MAP7: variants seen among roughly 807,000 people sequenced by gnomAD.
MAP7 encodes ensconsin.
Under a neutral mutation model 94.8 loss-of-function variants are expected in MAP7, and 52 were observed. The ratio of observed to expected loss-of-function variants is 0.55; its 90% CI spans 0.44 to 0.69. The LOEUF is 0.69. Among genes scored for constraint, MAP7 ranks in the 30% least tolerant of loss-of-function variants. The pLI is 0.00. For missense variants in MAP7, 940 were observed against 964.6 expected (o/e 0.97, Z 0.34); for synonymous variants, 350 against 357.0 (o/e 0.98, Z 0.22).
chr6:136,458,504 CT>C (rs1804103705), intron 1 of MAP7, among the ~76,000 whole-genome samples: 1 of 152,040 alleles, frequency 6.6e-6, no homozygotes, highest in South Asian at 2.1e-4. Context: ...AGGCATCACA[CT>C]TTTCTATTTC....
At chr6:136,461,023 A>G (rs899472446) in intron 1 of MAP7, among the ~76,000 whole-genome samples, 1 of 152,198 alleles carries the variant, frequency 6.6e-6, no homozygotes, top group African/African-American at 2.4e-5. Context: ...CCCTCTATAC[A>G]GCTGACACAA....
chr6:136,356,814 C>G lies in MAP7; in HGVS notation c.1913-20G>C, dbSNP rs752952554. 2.9e-5 allele frequency: 46 copies of G among 1,581,202 alleles called. No homozygotes were observed. The highest frequency in any genetic ancestry group is 1.7e-4 in the Middle Eastern group (1 of 6,022). On this transcript the variant is annotated intron_variant, in intron 15 of 17. Transcript: ENST00000354570. ...ACACCTCTGGGCATAGTAAAGGAGA[C>G]AGAACACAGGGTTACTAATATTCTT... is the stretch of plus-strand genomic sequence containing the variant.
intron 1 of MAP7, among the ~76,000 whole-genome samples, chr6:136,492,287 G>A (rs555387082): frequency 6.6e-6 from 1 of 152,280 alleles, no homozygotes; most frequent in African/African-American, 2.4e-5. Flanking sequence ...TTTGGATTCA[G>A]TAATATGAAC....
chr6:136,455,092 C>G (rs369460919), intron 1 of MAP7, among the ~76,000 whole-genome samples: 7 of 151,704 alleles, frequency 4.6e-5, no homozygotes, highest in Admixed American at 2.0e-4. Context: ...CTTTCTGGAT[C>G]CTTGGTCAGA....
chr6:136,526,250 G>A (rs1355980171), intron 1 of MAP7: 28 of 1,150,512 alleles, frequency 2.4e-5, no homozygotes, highest in Admixed American at 9.0e-5. Flanking sequence ...TGATTGCTCC[G>A]GCTCATGCAT....
At chr6:136,393,361 G>A (rs1781321238) in intron 3 of MAP7, among the ~76,000 whole-genome samples, 1 of 152,140 alleles carries the variant, frequency 6.6e-6, no homozygotes, top group Non-Finnish European at 1.5e-5. Context: ...CAGAATTACT[G>A]TTGGAACTGT....
At chr6:136,410,398 G>T (rs1448657985) in intron 3 of MAP7, among the ~76,000 whole-genome samples, 1 of 152,112 alleles carries the variant, frequency 6.6e-6, no homozygotes, top group African/African-American at 2.4e-5. Context: ...TCTCAGTTCT[G>T]GTTTGCTTGT....
chr6:136,456,828 A>AGAAGAAGAAGAAG (rs1803312295), intron 1 of MAP7, among the ~76,000 whole-genome samples: 1 of 123,756 alleles, frequency 8.1e-6, no homozygotes, highest in East Asian at 2.3e-4. Flanking sequence ...AGAAGGAAGA[A>AGAAGAAGAAGAAG]GAAGAAGAAG....
intron 3 of MAP7, among the ~76,000 whole-genome samples, chr6:136,401,925 A>G (rs1313712261): frequency 6.6e-6 from 1 of 152,122 alleles, no homozygotes; most frequent in Non-Finnish European, 1.5e-5. Flanking sequence ...CTAGTCTTTA[A>G]CCACTTCAAA....
intron 3 of MAP7, among the ~76,000 whole-genome samples, chr6:136,394,719 C>T (rs1781812120): frequency 6.6e-6 from 1 of 150,660 alleles, no homozygotes; most frequent in South Asian, 2.1e-4. Context: ...CTTTAACCTC[C>T]CCCCCACCTT....
At chr6:136,480,197 A>C (rs1038688513) in intron 1 of MAP7, among the ~76,000 whole-genome samples, 3 of 152,220 alleles carry the variant, frequency 2.0e-5, no homozygotes, top group African/African-American at 4.8e-5. Context: ...CCATACATCT[A>C]CAGTAAATGC....
chr6:136,501,923 G>C (rs1418221706), intron 1 of MAP7, among the ~76,000 whole-genome samples: 2 of 152,182 alleles, frequency 1.3e-5, no homozygotes, highest in Non-Finnish European at 2.9e-5. Flanking sequence ...GATTCCTCCT[G>C]TGAATTCAGA....
intron 1 of MAP7, among the ~76,000 whole-genome samples, chr6:136,543,582 G>A (rs555126794): frequency 1.3e-4 from 20 of 152,260 alleles, no homozygotes; most frequent in African/African-American, 4.6e-4. Flanking sequence ...CCCAGGAGGC[G>A]GAGGAGGTTC....
intron 6 of MAP7, among the ~76,000 whole-genome samples, chr6:136,381,982 G>A (rs73559066): frequency 0.012 from 1,824 of 151,742 alleles, 25 homozygotes; most frequent in East Asian, 0.039. Context: ...CCATGAAGGT[G>A]AGAACTGAGG....
At chr6:136,494,715 C>A (rs753817385) in intron 1 of MAP7, among the ~76,000 whole-genome samples, 1 of 152,148 alleles carries the variant, frequency 6.6e-6, no homozygotes, top group Non-Finnish European at 1.5e-5. Flanking sequence ...ATTGTATTGA[C>A]AGGATATAGA....
intron 15 of MAP7, among the ~76,000 whole-genome samples, chr6:136,358,798 C>T (rs1791701159): frequency 6.6e-6 from 1 of 152,120 alleles, no homozygotes; most frequent in South Asian, 2.1e-4. Flanking sequence ...TATCTACTAA[C>T]CACCTGCATG....
intron 3 of MAP7, among the ~76,000 whole-genome samples, chr6:136,392,905 A>C (rs1454712401): frequency 6.6e-6 from 1 of 152,224 alleles, no homozygotes; most frequent in Non-Finnish European, 1.5e-5. Context: ...TATGAACATA[A>C]TATTTTCCTC....
rs191160233 is a variant in MAP7 at position 136,344,707 on chromosome 6, G to T, written c.2240-469C>A. Reference sequence around the variant, plus strand: ...AGTCGGATTGTTCCCAAAGGCTTAAGAATCAGAAAGTCAGACAGGGGAGGG... The same window carrying T: ...AGTCGGATTGTTCCCAAAGGCTTAATAATCAGAAAGTCAGACAGGGGAGGG... On this transcript the variant is annotated intron_variant, in intron 17 of 17. Coordinates refer to ENST00000354570, the MANE Select transcript of MAP7 (RefSeq NM_003980.6). 3.1e-3 allele frequency among the ~76,000 whole-genome samples: 471 copies of T among 152,282 alleles called. 10 individuals carry two copies. The highest frequency in any genetic ancestry group is 0.028 in the Admixed American group (435 of 15,286).
At chr6:136,435,601 G>A (rs1170760549) in intron 1 of MAP7, among the ~76,000 whole-genome samples, 3 of 152,142 alleles carry the variant, frequency 2.0e-5, no homozygotes, top group Admixed American at 2.0e-4. Context: ...CACTTTTTCT[G>A]TTATCCTATG....
Sources: gnomAD v4.1 joint callset for allele counts (sites outside exome capture counted in the v4.1 genomes callset) on GRCh38, gnomAD v4.1.1 for gene constraint, MANE v1.5 for transcripts, NCBI Gene and HGNC (gene_info 2026-07-23, HGNC 2026-07-21) for gene names.